Variants in CHD6 observed in about 807,000 individuals in gnomAD.
CHD6 encodes the protein chromodomain helicase DNA binding protein 6.
Under a neutral mutation model 276.9 loss-of-function variants are expected in CHD6, and 50 were observed. That is an observed-to-expected ratio of 0.18 (90% CI 0.14 to 0.23). CHD6 has a LOEUF of 0.23. Among genes scored for constraint, CHD6 ranks in the 10% least tolerant of loss-of-function variants. CHD6 has a pLI of 1.00. For synonymous variants in CHD6, 1,173 were observed against 1,229.3 expected (o/e 0.95, Z 0.96); for missense variants, 2,564 against 3,365.8 (o/e 0.76, Z 5.89).
chr20:41,512,733 G>A (rs981067462), intron 5 of CHD6, 113 bp downstream of exon 5: 6 of 1,209,542 alleles, frequency 5.0e-6, no homozygotes, highest in African/African-American at 3.0e-5. Context: ...AAGGCCACAA[G>A]CAGCAGTTAA....
In CHD6 at chr20:41,416,881, C is replaced by T. The variant is rs1016222354; in HGVS notation, c.6280-87G>A. On this transcript the variant is annotated intron_variant, in intron 32 of 36. Transcript: ENST00000373233. The stretch of plus-strand genomic sequence containing the variant: ...TTGAGATCAAGGGTTAAGCTTTTCA[C>T]CAGAAGGAGTCGATAAGAAAAGAGC... 3.9e-5 allele frequency: 45 copies of T among 1,152,524 alleles called. No homozygotes were observed. The Admixed American group carries it at 1.4e-3, about 36-fold the overall frequency. The allele number at this position is 1,152,524 out of a possible 1,614,324, so 71.4% of individuals were successfully genotyped here.
chr20:41,556,646 G>A (rs1474069063), intron 1 of CHD6, among the ~76,000 whole-genome samples: 1 of 152,228 alleles, frequency 6.6e-6, no homozygotes, highest in Non-Finnish European at 1.5e-5. Context: ...CTAGTTCACT[G>A]AAAGCAGACT....
At chr20:41,436,566 A>G (rs1357547346) in intron 27 of CHD6, among the ~76,000 whole-genome samples, 1 of 152,220 alleles carries the variant, frequency 6.6e-6, no homozygotes, top group Non-Finnish European at 1.5e-5. Context: ...TCTATATGCA[A>G]ATATTTACAG....
intron 35 of CHD6, 129 bp from the exon 36 acceptor site, chr20:41,412,392 A>C: frequency 9.8e-7 from 1 of 1,021,510 alleles, no homozygotes; most frequent in African/African-American, 1.6e-5. Flanking sequence ...TGGCCAGGTT[A>C]AACTAAAGGA....
chr20:41,554,377 TTTTATTTA>T lies in CHD6; in HGVS notation c.-23-3025_-23-3018del, dbSNP rs138632294. On this transcript the variant is annotated intron_variant, in intron 1 of 36. Transcript: ENST00000373233. ...TATAATTGCTAATGGCACTTTTATTTTTTATTTATTTATTTATTTATTTATTTATTTTA... is the reference window on the plus strand; with the variant it reads ...TATAATTGCTAATGGCACTTTTATTTTTTATTTATTTATTTATTTATTTTA... 7.7e-3 allele frequency among the ~76,000 whole-genome samples: 1,152 copies of T among 150,198 alleles called. 12 individuals carry two copies. The highest frequency in any genetic ancestry group is 0.034 in the Middle Eastern group (10 of 294).
At chr20:41,412,349 A>C in intron 35 of CHD6, 86 bp from the exon 36 acceptor site, 1 of 1,487,738 alleles carries the variant, frequency 6.7e-7, no homozygotes, top group Non-Finnish European at 9.3e-7. Context: ...TGGTTTTGCT[A>C]TTGTTCTCGT....
chr20:41,513,210 A>C (rs140701194), intron 4 of CHD6, among the ~76,000 whole-genome samples: 3 of 152,284 alleles, frequency 2.0e-5, no homozygotes, highest in African/African-American at 7.2e-5. Context: ...TCAATCTCCA[A>C]ATTGCCATGA....
Position 41,403,236 on chromosome 20 carries a change from T to C in CHD6, c.*1357A>G, listed in dbSNP as rs2046579197. On this transcript the variant is annotated 3_prime_UTR_variant, in exon 37 of 37. Coordinates refer to ENST00000373233, the MANE Select transcript of CHD6 (RefSeq NM_032221.5). ...ACTGGTACTAGTAACACTTGCAACA[T>C]TTCCAAGGGTCCTGCGCAGCCCTGC... 1 of 1,058,634 alleles carries C rather than the reference T, an allele frequency of 9.4e-7. No individual in the cohort carries two copies. Among genetic ancestry groups the C allele is most frequent in the Non-Finnish European group, 1.1e-6 (1 of 873,926 alleles). The allele number at this position is 1,058,634 out of a possible 1,614,324, so 65.6% of individuals were successfully genotyped here. A position where few individuals can be genotyped will look rare whatever the true frequency, so the allele number is the denominator to read the frequency against.
chr20:41,551,470 C>G, intron 1 of CHD6, 110 bp from the exon 2 acceptor site: 1 of 588,850 alleles, frequency 1.7e-6, no homozygotes, highest in Non-Finnish European at 3.0e-6. Flanking sequence ...GGGATTACTT[C>G]TGCAGAACAT....
intron 1 of CHD6, among the ~76,000 whole-genome samples, chr20:41,573,618 C>T (rs1303777675): frequency 6.6e-6 from 1 of 151,878 alleles, no homozygotes; most frequent in African/African-American, 2.4e-5. Flanking sequence ...GACCTATGAT[C>T]TAGTAAGGAA....
intron 26 of CHD6, among the ~76,000 whole-genome samples, chr20:41,438,493 G>A (rs572982577): frequency 2.0e-3 from 310 of 152,252 alleles, no homozygotes; most frequent in Non-Finnish European, 2.2e-3. Context: ...GGGAGGCTGA[G>A]GCAGGAGAAT....
intron 14 of CHD6, chr20:41,485,860 G>A (rs1383376258): frequency 6.6e-6 from 1 of 152,036 alleles, no homozygotes; most frequent in Admixed American, 6.6e-5. Context: ...CAAAAAGCAT[G>A]TGCTAATTAG....
intron 3 of CHD6, among the ~76,000 whole-genome samples, chr20:41,525,046 T>TA (rs1244446411): frequency 6.6e-6 from 1 of 152,204 alleles, no homozygotes; most frequent in Admixed American, 6.5e-5. Context: ...AGGCTGGTAA[T>TA]ACAGGTGCCT....
At chr20:41,414,111 AG>A (rs1342435249) in intron 34 of CHD6, 2 of 152,250 alleles carry the variant, frequency 1.3e-5, no homozygotes, top group Non-Finnish European at 2.9e-5. Context: ...CATCTAAAAA[AG>A]GTAAAAGACT....
At chr20:41,578,650 A>C (rs2045500496) in intron 1 of CHD6, among the ~76,000 whole-genome samples, 1 of 150,086 alleles carries the variant, frequency 6.7e-6, no homozygotes, top group African/African-American at 2.5e-5. Context: ...ACCACACTCC[A>C]CTACAGCCCG....
chr20:41,560,374 G>C (rs6072421), intron 1 of CHD6, among the ~76,000 whole-genome samples: 2 of 152,138 alleles, frequency 1.3e-5, no homozygotes, highest in African/African-American at 2.4e-5. Flanking sequence ...TGCTCATTCA[G>C]GTCTTATTCA....
chr20:41,609,839 T>C (rs911728516), intron 1 of CHD6, among the ~76,000 whole-genome samples: 2 of 149,842 alleles, frequency 1.3e-5, no homozygotes, highest in African/African-American at 5.0e-5. Flanking sequence ...CTGTGTTTCC[T>C]TTTTTTTTCT....
chr20:41,515,960 T>C (rs2044240566), intron 3 of CHD6, among the ~76,000 whole-genome samples: 1 of 152,224 alleles, frequency 6.6e-6, no homozygotes, highest in South Asian at 2.1e-4. Context: ...TATGATTAAC[T>C]GTGAATGGGG....
intron 5 of CHD6, among the ~76,000 whole-genome samples, chr20:41,509,145 C>T (rs975374414): frequency 6.6e-6 from 1 of 152,060 alleles, no homozygotes; most frequent in African/African-American, 2.4e-5. Context: ...GGCAGAGGCA[C>T]TGAAAATCAG....
Sources: allele counts gnomAD v4.1 joint callset (sites outside exome capture counted in the v4.1 genomes callset), GRCh38; gene constraint gnomAD v4.1.1; transcripts MANE v1.5; gene names NCBI Gene and HGNC (gene_info 2026-07-23, HGNC 2026-07-21).